ANKRD30BL: variants seen among roughly 807,000 people sequenced by gnomAD.
ANKRD30BL encodes the protein putative ankyrin repeat domain-containing protein 30B-like.
A neutral mutation model predicts 18.4 loss-of-function variants in ANKRD30BL; 20 were observed. That is an observed-to-expected ratio of 1.09 (90% CI 0.77 to 1.58). The LOEUF is 1.58. Ranked by LOEUF, ANKRD30BL falls within the 40% of genes most tolerant of loss-of-function variation. The probability of loss-of-function intolerance (pLI) is 0.00; values close to 1 mark genes in which losing one functional copy is unlikely to be tolerated. For synonymous variants in ANKRD30BL, 72 were observed against 100.9 expected, an observed-to-expected ratio of 0.71 and a Z score of 1.72; for missense variants, 224 against 268.6, an observed-to-expected ratio of 0.83 and a Z score of 1.16.
chr2:132,229,745 G>T (rs1418636609), intron 1 of ANKRD30BL, among the ~76,000 whole-genome samples: 1 of 152,078 alleles, frequency 6.6e-6, no homozygotes, highest in African/African-American at 2.4e-5. Flanking sequence ...GAAACTGCAA[G>T]TGGACATTTG....
intron 1 of ANKRD30BL, among the ~76,000 whole-genome samples, chr2:132,214,759 A>C (rs1447918240): frequency 6.6e-6 from 1 of 151,688 alleles, no homozygotes; most frequent in East Asian, 1.9e-4. Context: ...CTTTTGATTG[A>C]ATAGTTTGGA....
intron 1 of ANKRD30BL, among the ~76,000 whole-genome samples, chr2:132,186,803 A>G (rs1469940617): frequency 6.6e-6 from 1 of 152,168 alleles, no homozygotes; most frequent in East Asian, 1.9e-4. Context: ...TTGTTTTGCC[A>G]AAGTTCGTTA....
At chr2:132,231,130 G>A (rs946991176) in intron 1 of ANKRD30BL, among the ~76,000 whole-genome samples, 1 of 151,970 alleles carries the variant, frequency 6.6e-6, no homozygotes, top group Non-Finnish European at 1.5e-5. Context: ...AGAGATTTGA[G>A]GCCTATGGTG....
intron 1 of ANKRD30BL, among the ~76,000 whole-genome samples, chr2:132,224,334 C>T (rs1473118146): frequency 3.3e-5 from 5 of 152,102 alleles, no homozygotes; most frequent in Admixed American, 3.3e-4. Flanking sequence ...GAAGAATTCT[C>T]AGAATCTTCT....
chr2:132,193,066 G>A (rs913763896), intron 1 of ANKRD30BL, among the ~76,000 whole-genome samples: 6 of 152,148 alleles, frequency 3.9e-5, no homozygotes, highest in Non-Finnish European at 7.3e-5. Context: ...TGTATTGCAC[G>A]TTAACACTCA....
At chr2:132,205,381 C>T (rs1414098909) in intron 1 of ANKRD30BL, among the ~76,000 whole-genome samples, 1 of 145,882 alleles carries the variant, frequency 6.9e-6, no homozygotes, top group Non-Finnish European at 1.5e-5. Context: ...GAGGCCGAGG[C>T]GGGCGGATCA....
chr2:132,240,655 G>A (rs1277516617), intron 1 of ANKRD30BL, among the ~76,000 whole-genome samples: 5 of 151,268 alleles, frequency 3.3e-5, no homozygotes, highest in Non-Finnish European at 7.4e-5. Flanking sequence ...TTGGAAACTG[G>A]ATTATCTTCA....
chr2:132,237,120 T>C (rs1680170900), intron 1 of ANKRD30BL, among the ~76,000 whole-genome samples: 1 of 149,620 alleles, frequency 6.7e-6, no homozygotes, highest in African/African-American at 2.4e-5. Context: ...CTCTGGGGAA[T>C]GTTGTGAGGT....
intron 1 of ANKRD30BL, among the ~76,000 whole-genome samples, chr2:132,210,043 AC>A (rs1388366023): frequency 1.3e-5 from 2 of 152,082 alleles, no homozygotes; most frequent in Non-Finnish European, 2.9e-5. Flanking sequence ...TAAAAACTAG[AC>A]AGAAACATTC....
At chr2:132,178,054 G>C (rs1034624675) in intron 1 of ANKRD30BL, among the ~76,000 whole-genome samples, 14 of 152,172 alleles carry the variant, frequency 9.2e-5, no homozygotes, top group Non-Finnish European at 7.4e-5. Flanking sequence ...ATATATCAAG[G>C]CAAGGACATT....
upstream of ANKRD30BL, among the ~76,000 whole-genome samples, chr2:132,163,991 C>A (rs1688140812): frequency 1.3e-5 from 2 of 152,220 alleles, no homozygotes; most frequent in Admixed American, 6.5e-5. Flanking sequence ...TTAGTTCATA[C>A]TGATGTCTAC....
intron 1 of ANKRD30BL, among the ~76,000 whole-genome samples, chr2:132,206,715 A>G (rs545393877): frequency 6.6e-6 from 1 of 152,348 alleles, no homozygotes; most frequent in South Asian, 2.1e-4. Context: ...GTAATTTCCT[A>G]CATCTGCTGT....
rs1558928356 is a variant in ANKRD30BL, at chr2:132,198,255, CCTTCTTTCTTTCTTTTCTTT to C, written n.442-41129_442-41110del. 1.0e-3 allele frequency among the ~76,000 whole-genome samples: 145 copies of C among 138,240 alleles called. 1 individual carries two copies. The highest frequency in any genetic ancestry group is 4.3e-3 in the African/African-American group (139 of 32,250). 90.7% of individuals were successfully genotyped at this position (138,240 alleles called of 152,430 possible). On this transcript the variant is annotated intron_variant and non_coding_transcript_variant, in intron 1 of 4. Coordinates refer to the ANKRD30BL transcript ENST00000470729. ...TTTTTCTCTTTCATAATTTACTATA[CCTTCTTTCTTTCTTTTCTTT>C]CTTTCTTTCTTTCTTTCTTTCTTTC...
intron 1 of ANKRD30BL, among the ~76,000 whole-genome samples, chr2:132,231,626 C>T (rs553623470): frequency 3.8e-4 from 58 of 152,276 alleles, no homozygotes; most frequent in Admixed American, 7.9e-4. Flanking sequence ...TAGCGCTTTT[C>T]GGACCGGCTT....
rs16848773 is a variant in ANKRD30BL, at chr2:132,148,203, A to C, written c.705T>G (p.Asp235Glu). Reference sequence around the variant, plus strand: ...TTCTTTCCGCCAAGGGTGCAGCCTCATCAGGTGTTCCTTCAGATGTTCCTT... The same window carrying C: ...TTCTTTCCGCCAAGGGTGCAGCCTCCTCAGGTGTTCCTTCAGATGTTCCTT... Reference protein sequence around the residue: ...NPEGTSEGTPDEAAPLAERTP... With the variant: ...NPEGTSEGTPEEAAPLAERTP... Residue 235 changes from aspartate to glutamate, a missense_variant, in exon 6 of 6, where the codon GAT becomes GAG. Asp to Glu is a conservative substitution (Grantham distance 45). Transcript: ENST00000409867. 8.7e-6 allele frequency: 14 copies of C among 1,605,676 alleles called. No homozygotes were observed. Among genetic ancestry groups the C allele is most frequent in the Middle Eastern group, 4.5e-4 (2 of 4,448 alleles).
chr2:132,223,340 TCA>T (rs897976387), intron 1 of ANKRD30BL, among the ~76,000 whole-genome samples: 50 of 152,120 alleles, frequency 3.3e-4, no homozygotes, highest in African/African-American at 1.2e-3. Context: ...TGCCTTCAAC[TCA>T]CAGAGTTGAA....
At chr2:132,159,795 T>C (rs1409031444) in intron 1 of ANKRD30BL, among the ~76,000 whole-genome samples, 1 of 152,198 alleles carries the variant, frequency 6.6e-6, no homozygotes, top group African/African-American at 2.4e-5. Flanking sequence ...CTTCTGAGCT[T>C]CTTAGAAAGG....
chr2:132,231,622 T>A (rs1573871226), intron 1 of ANKRD30BL, among the ~76,000 whole-genome samples: 1 of 152,088 alleles, frequency 6.6e-6, no homozygotes, highest in Admixed American at 6.6e-5. Context: ...AATATAGCGC[T>A]TTTCGGACCG....
chr2:132,196,490 A>T (rs1279291254), intron 1 of ANKRD30BL, among the ~76,000 whole-genome samples: 3 of 152,118 alleles, frequency 2.0e-5, no homozygotes, highest in Non-Finnish European at 4.4e-5. Context: ...AAAGATTGAT[A>T]TAAAAAATTA....
Sources: gnomAD v4.1 joint callset for allele counts (sites outside exome capture counted in the v4.1 genomes callset) on GRCh38, gnomAD v4.1.1 for gene constraint, MANE v1.5 for transcripts, NCBI Gene and HGNC (gene_info 2026-07-23, HGNC 2026-07-21) for gene names.